DOCK2: variants seen among roughly 807,000 people sequenced by gnomAD.
The protein encoded by DOCK2 is dedicator of cytokinesis 2.
In DOCK2, 87 loss-of-function variants were observed where a neutral mutation model predicts 248.9. That is an observed-to-expected ratio of 0.35 (90% CI 0.29 to 0.42). DOCK2 has a LOEUF of 0.42. DOCK2 is among the 10% of genes least tolerant of loss of function. The pLI is 1.00. For synonymous variants in DOCK2, 805 were observed against 821.6 expected (o/e 0.98, Z 0.35); for missense variants, 1,747 against 2,300.2 (o/e 0.76, Z 4.92).
chr5:169,860,007 G>A (rs918760626), intron 27 of DOCK2, among the ~76,000 whole-genome samples: 9 of 121,708 alleles, frequency 7.4e-5, no homozygotes, highest in South Asian at 2.7e-4. Context: ...CTATTGCTCC[G>A]TCACCTAGGT....
chr5:169,753,630 C>T lies in DOCK2; in HGVS notation c.2377-6075C>T, dbSNP rs1054194008. 2.9e-4 allele frequency among the ~76,000 whole-genome samples: 44 copies of T among 152,104 alleles called. 1 individual carries two copies. Among genetic ancestry groups the T allele is most frequent in the Admixed American group, 1.7e-3 (26 of 15,274 alleles). Reference sequence around the variant, plus strand: ...GTTCTTAATCACCACCAAACAATAGCGCAATTTCATTAAGACTAAAGTCTT... The same window carrying T: ...GTTCTTAATCACCACCAAACAATAGTGCAATTTCATTAAGACTAAAGTCTT... On this transcript the variant is annotated intron_variant, in intron 23 of 51. Coordinates refer to ENST00000520908, the MANE Select transcript of DOCK2 (RefSeq NM_004946.3).
chr5:169,937,840 C>G (rs1236792129), intron 27 of DOCK2, among the ~76,000 whole-genome samples: 1 of 152,222 alleles, frequency 6.6e-6, no homozygotes, highest in Non-Finnish European at 1.5e-5. Context: ...ACTGACAACA[C>G]TGAAATCAAA....
chr5:169,801,348 C>T (rs1273094417), intron 25 of DOCK2, among the ~76,000 whole-genome samples: 5 of 151,894 alleles, frequency 3.3e-5, no homozygotes, highest in East Asian at 3.9e-4. Context: ...TCTCTGCAGT[C>T]GGGCTGGATT....
intron 21 of DOCK2, among the ~76,000 whole-genome samples, chr5:169,718,391 C>A (rs1292160123): frequency 6.6e-6 from 1 of 152,114 alleles, no homozygotes; most frequent in Non-Finnish European, 1.5e-5. Flanking sequence ...CCACTTGTAG[C>A]CTGATTGTGA....
At chr5:169,692,048 G>A (rs1372867149) in intron 9 of DOCK2, among the ~76,000 whole-genome samples, 1 of 151,912 alleles carries the variant, frequency 6.6e-6, no homozygotes, top group African/African-American at 2.4e-5. Context: ...TATAGACGGG[G>A]TTTCACCATG....
intron 26 of DOCK2, among the ~76,000 whole-genome samples, chr5:169,816,462 G>A (rs1314822633): frequency 2.0e-5 from 3 of 152,212 alleles, no homozygotes; most frequent in South Asian, 2.1e-4. Context: ...GCATGCTAAA[G>A]TCATCTTTGC....
intron 5 of DOCK2, among the ~76,000 whole-genome samples, chr5:169,672,662 C>T (rs1361628953): frequency 6.6e-6 from 1 of 152,156 alleles, no homozygotes; most frequent in African/African-American, 2.4e-5. Context: ...GGTTTAAAGC[C>T]TCAATCCCAC....
At chr5:169,928,823 AC>A (rs1359439407) in intron 27 of DOCK2, among the ~76,000 whole-genome samples, 2 of 152,238 alleles carry the variant, frequency 1.3e-5, no homozygotes, top group Non-Finnish European at 2.9e-5. Context: ...TAAATACTAC[AC>A]AAGTAATTAC....
chr5:169,665,984 T>C (rs1758702788), intron 2 of DOCK2, among the ~76,000 whole-genome samples: 1 of 152,210 alleles, frequency 6.6e-6, no homozygotes, highest in Non-Finnish European at 1.5e-5. Context: ...TGTAAAAATT[T>C]TTCCTTTTCT....
At chr5:170,078,835 C>G in intron 48 of DOCK2, 140 bp from the exon 49 acceptor site, 1 of 850,688 alleles carries the variant, frequency 1.2e-6, no homozygotes, top group Non-Finnish European at 1.8e-6. Context: ...AAATCCTCTG[C>G]CAGATTTGCT....
intron 26 of DOCK2, among the ~76,000 whole-genome samples, chr5:169,837,568 AC>A (rs1769670110): frequency 6.6e-6 from 1 of 152,166 alleles, no homozygotes; most frequent in African/African-American, 2.4e-5. Flanking sequence ...GCCACCACTT[AC>A]TGAGGGCTTA....
intron 25 of DOCK2, among the ~76,000 whole-genome samples, chr5:169,777,575 G>A (rs887661837): frequency 1.3e-5 from 2 of 152,184 alleles, no homozygotes; most frequent in African/African-American, 2.4e-5. Context: ...CATTTCTGGT[G>A]TAGGCACAAC....
At chr5:169,638,215 A>G (rs940281954) in intron 1 of DOCK2, among the ~76,000 whole-genome samples, 3 of 152,200 alleles carry the variant, frequency 2.0e-5, no homozygotes, top group Non-Finnish European at 4.4e-5. Flanking sequence ...CAGGTGAGGC[A>G]TTGGAAGACC....
intron 27 of DOCK2, chr5:169,864,309 G>C (rs201654163): frequency 1.3e-6 from 2 of 1,551,558 alleles, no homozygotes; most frequent in Admixed American, 3.9e-5. Flanking sequence ...TCACCTTCTT[G>C]GTTTTCCGCC....
At chr5:170,006,086 C>T (rs1329211138) in intron 30 of DOCK2, among the ~76,000 whole-genome samples, 2 of 152,100 alleles carry the variant, frequency 1.3e-5, no homozygotes, top group African/African-American at 2.4e-5. Flanking sequence ...GTGTAAGCTC[C>T]GGACATAAGC....
At chr5:169,824,609 T>C (rs1768720142) in intron 26 of DOCK2, among the ~76,000 whole-genome samples, 3 of 152,212 alleles carry the variant, frequency 2.0e-5, no homozygotes, top group African/African-American at 7.2e-5. Flanking sequence ...TTACACCTTA[T>C]ACAAAAATTA....
chr5:169,729,126 G>T (rs1025879595), intron 22 of DOCK2, among the ~76,000 whole-genome samples: 1 of 152,176 alleles, frequency 6.6e-6, no homozygotes, highest in South Asian at 2.1e-4. Flanking sequence ...CTGAATAAAC[G>T]TGTAGATTTA....
intron 13 of DOCK2, among the ~76,000 whole-genome samples, chr5:169,700,711 A>G (rs1023278864): frequency 6.6e-6 from 1 of 152,166 alleles, no homozygotes; most frequent in Admixed American, 6.5e-5. Flanking sequence ...AACAAAAATT[A>G]TAGGAGGGCA....
rs761464466 is a variant in DOCK2, at chr5:170,042,096, C to G, written c.3840C>G (p.Leu1280=). 7.4e-6 allele frequency: 12 copies of G among 1,613,412 alleles called. No individual in the cohort carries two copies. In the South Asian group the frequency reaches 1.2e-4, roughly 16 times the overall value. Residue 1280 remains leucine (L), a synonymous_variant, in exon 38 of 52, where the codon CTC becomes CTG. Transcript: ENST00000520908. ...PQTHRQLKET[L]YETIIGYFDK... is the part of the protein sequence containing the mutation. ...CACACCGGCAGCTGAAGGAGACGCT[C>G]TACGAGACCATCATAGGCTACTTTG...
Sources: allele counts gnomAD v4.1 joint callset (sites outside exome capture counted in the v4.1 genomes callset), GRCh38; gene constraint gnomAD v4.1.1; transcripts MANE v1.5; gene names NCBI Gene and HGNC (gene_info 2026-07-23, HGNC 2026-07-21).